Variants in RALGAPB observed in about 807,000 individuals in gnomAD.
The protein encoded by RALGAPB is ral GTPase-activating protein subunit beta.
In RALGAPB, 25 loss-of-function variants were observed where a neutral mutation model predicts 161.1. The observed-to-expected ratio is 0.16, with a 90% CI of 0.11 to 0.22. RALGAPB has a LOEUF of 0.22. RALGAPB is among the 10% of genes least tolerant of loss of function. The pLI is 1.00. For synonymous variants in RALGAPB, 629 were observed against 626.1 expected (o/e 1.00, Z -0.07); for missense variants, 1,391 against 1,815.2 (o/e 0.77, Z 4.25).
At position 38,475,079 on chromosome 20, in the gene RALGAPB, G is replaced by A. The variant is rs115949815; in HGVS notation, c.-31+2010G>A. On this transcript the variant is annotated intron_variant, in intron 1 of 29. Transcript: ENST00000262879. ...TAACCATGTGCAATCAACATTGTTT[G>A]ATTTTTAATGTCTGATTCTATCACA... Among the ~76,000 whole-genome samples the A allele has an allele frequency of 9.1e-3, 1,386 of 152,306 alleles. 25 individuals are homozygous for A. The highest frequency in any genetic ancestry group is 0.032 in the African/African-American group (1,326 of 41,562).
At chr20:38,550,573 C>T (rs996183601) in intron 20 of RALGAPB, among the ~76,000 whole-genome samples, 1 of 152,136 alleles carries the variant, frequency 6.6e-6, no homozygotes, top group Non-Finnish European at 1.5e-5. Context: ...TCACCATGTA[C>T]CCATATACAT....
At chr20:38,503,968 A>C (rs1007013071) in intron 5 of RALGAPB, among the ~76,000 whole-genome samples, 3 of 152,236 alleles carry the variant, frequency 2.0e-5, no homozygotes, top group African/African-American at 7.2e-5. Flanking sequence ...TTCATGGATT[A>C]GAAGAATCAA....
chr20:38,571,818 C>T (rs944824568), intron 28 of RALGAPB, among the ~76,000 whole-genome samples: 1 of 152,104 alleles, frequency 6.6e-6, no homozygotes, highest in African/African-American at 2.4e-5. Flanking sequence ...ACATTTCCAC[C>T]AACAGCATAC....
chr20:38,511,963 C>G (rs2085974384), intron 6 of RALGAPB, among the ~76,000 whole-genome samples: 3 of 152,110 alleles, frequency 2.0e-5, no homozygotes, highest in Admixed American at 1.3e-4. Context: ...GGGGCTGCCC[C>G]CCACCTCCCG....
At position 38,558,315 on chromosome 20, in the gene RALGAPB, A is replaced by G. The variant is rs571723675; in HGVS notation, c.3393A>G (p.Leu1131=). Reference sequence around the variant, plus strand: ...GGCAGGAACCTGCAAATAGTCGTCTACCTCCTCACCTTATTGCACTTGATT... The same window carrying G: ...GGCAGGAACCTGCAAATAGTCGTCTGCCTCCTCACCTTATTGCACTTGATT... The part of the protein sequence containing the change: ...EALKEPANSR[L]PPHLIALDST... Residue 1131 remains leucine (L), a synonymous_variant, in exon 23 of 30, where the codon CTA becomes CTG. Transcript: ENST00000262879. 84 of 1,548,774 alleles carry G rather than the reference A, an allele frequency of 5.4e-5. No homozygotes were observed. Among genetic ancestry groups the G allele is most frequent in the Middle Eastern group, 3.4e-4 (2 of 5,832 alleles).
chr20:38,513,388 C>T (rs1348365520), intron 6 of RALGAPB, among the ~76,000 whole-genome samples: 1 of 150,320 alleles, frequency 6.7e-6, no homozygotes, highest in African/African-American at 2.5e-5. Flanking sequence ...CCTGTAATCC[C>T]AGCTACTTGG....
intron 14 of RALGAPB, among the ~76,000 whole-genome samples, chr20:38,531,589 C>T (rs2086651627): frequency 6.6e-6 from 1 of 152,172 alleles, no homozygotes; most frequent in Admixed American, 6.5e-5. Context: ...CTTTTTCTTA[C>T]CCATCAATTC....
At chr20:38,489,189 C>CT (rs934227899) in intron 2 of RALGAPB, among the ~76,000 whole-genome samples, 11 of 151,448 alleles carry the variant, frequency 7.3e-5, no homozygotes, top group South Asian at 4.2e-4. Context: ...TTTGCTGTTT[C>CT]TTTTTTTTTG....
chr20:38,485,748 A>G (rs1456447779), intron 1 of RALGAPB, among the ~76,000 whole-genome samples: 1 of 152,054 alleles, frequency 6.6e-6, no homozygotes, highest in Non-Finnish European at 1.5e-5. Context: ...TGTTAGTTTA[A>G]TAGGTACAAA....
chr20:38,514,911 C>T (rs542846571), intron 6 of RALGAPB, among the ~76,000 whole-genome samples: 1 of 152,272 alleles, frequency 6.6e-6, no homozygotes, highest in Admixed American at 6.5e-5. Context: ...ATTCTTATTT[C>T]AAGTTTTACT....
Position 38,491,013 on chromosome 20 carries a change from A to G in RALGAPB, c.187-1917A>G, listed in dbSNP as rs115709493. On this transcript the variant is annotated intron_variant, in intron 2 of 29. Coordinates refer to ENST00000262879, the MANE Select transcript of RALGAPB (RefSeq NM_020336.4). ...ATATCTTCTTGGTTTTTCATCTGAT[A>G]ATTAGGGACCTGCAATGTCTTTTAG... Among the ~76,000 whole-genome samples, 664 of 152,300 alleles carry G rather than the reference A, an allele frequency of 4.4e-3. 5 individuals are homozygous for G. Among genetic ancestry groups the G allele is most frequent in the African/African-American group, 0.015 (634 of 41,560 alleles).
intron 3 of RALGAPB, among the ~76,000 whole-genome samples, chr20:38,496,004 C>G (rs990794251): frequency 3.9e-5 from 6 of 152,110 alleles, no homozygotes; most frequent in African/African-American, 1.4e-4. Context: ...TCTTATATTA[C>G]TTGATTAGGT....
chr20:38,538,335 T>C (rs933761801), intron 16 of RALGAPB: 4 of 218,040 alleles, frequency 1.8e-5, no homozygotes, highest in Non-Finnish European at 4.1e-5. Flanking sequence ...GCCCAAGTGG[T>C]AAGATTGGCC....
At chr20:38,556,702 A>G (rs559000487) in intron 22 of RALGAPB, among the ~76,000 whole-genome samples, 71 of 152,276 alleles carry the variant, frequency 4.7e-4, no homozygotes, top group African/African-American at 1.6e-3. Flanking sequence ...AGAAGATCAC[A>G]CAGAAGAACA....
At position 38,558,401 on chromosome 20, in the gene RALGAPB, T is replaced by C. The variant is rs771377772; in HGVS notation, c.3479T>C (p.Phe1160Ser). The change falls in exon 23 of 30, where the codon TTT (phenylalanine) becomes TCT (serine). Residue 1160 changes from phenylalanine (F) to serine (S), a missense_variant. By Grantham distance (155) the Phe-to-Ser change is radical. This residue lies in a region of RALGAPB where 436 missense variants were observed against 527.0 expected (regional missense o/e 0.83). Transcript: ENST00000262879. ...GYLDLLPCRP[F>S]DTVFIFYMKP... ...CTGGATCTCTTGCCATGTCGTCCTT[T>C]TGACACAGTTTTTATTTTCTATATG... 8 of 1,606,396 alleles carry C rather than the reference T, an allele frequency of 5.0e-6. No homozygotes were observed. In the South Asian group the frequency reaches 8.9e-5, roughly 18 times the overall value.
intron 2 of RALGAPB, among the ~76,000 whole-genome samples, chr20:38,492,416 GTATTAT>G (rs1167654253): frequency 6.6e-6 from 1 of 151,970 alleles, no homozygotes; most frequent in Admixed American, 6.6e-5. Flanking sequence ...TTCATTTTAA[GTATTAT>G]TATTATTTTT....
intron 10 of RALGAPB, among the ~76,000 whole-genome samples, chr20:38,522,811 A>C (rs2086330450): frequency 1.3e-5 from 2 of 152,204 alleles, no homozygotes; most frequent in South Asian, 4.1e-4. Flanking sequence ...AGTTGTGAGA[A>C]GCTAGTGATA....
intron 4 of RALGAPB, among the ~76,000 whole-genome samples, chr20:38,498,156 G>A (rs1224810777): frequency 2.0e-5 from 3 of 151,858 alleles, no homozygotes; most frequent in African/African-American, 7.3e-5. Context: ...TCAAAGTAGA[G>A]TCTGAAAACT....
chr20:38,512,554 A>G (rs180716384), intron 6 of RALGAPB, among the ~76,000 whole-genome samples: 71 of 152,352 alleles, frequency 4.7e-4, no homozygotes, highest in Non-Finnish European at 6.8e-4. Flanking sequence ...TGCTATTATT[A>G]CAGTTATTTC....
Sources: gnomAD v4.1 joint callset for allele counts (sites outside exome capture counted in the v4.1 genomes callset) on GRCh38, gnomAD v4.1.1 for gene constraint, gnomAD v4.1.1 regional missense constraint, MANE v1.5 for transcripts, NCBI Gene and HGNC (gene_info 2026-07-23, HGNC 2026-07-21) for gene names.